Variants in CACNB2 observed in about 807,000 individuals in gnomAD.
CACNB2 encodes calcium voltage-gated channel auxiliary subunit beta 2.
CACNB2 carries 42 observed loss-of-function variants against 73.3 expected under a neutral mutation model. The ratio of observed to expected loss-of-function variants is 0.57; its 90% CI spans 0.45 to 0.74. CACNB2 has a LOEUF of 0.74. CACNB2 is among the 30% of genes least tolerant of loss of function. The probability of loss-of-function intolerance (pLI) is 0.00; values close to 1 mark genes in which losing one functional copy is unlikely to be tolerated. For missense variants in CACNB2, 940 were observed against 853.0 expected (o/e 1.10, Z -1.27); for synonymous variants, 348 against 310.3 (o/e 1.12, Z -1.28).
At chr10:18,356,639 A>G (rs1279256090) in intron 2 of CACNB2, among the ~76,000 whole-genome samples, 1 of 144,230 alleles carries the variant, frequency 6.9e-6, no homozygotes. Context: ...TTTCTCCTTC[A>G]TTTTTTTTTT....
chr10:18,176,935 C>T (rs1444107707), intron 2 of CACNB2, among the ~76,000 whole-genome samples: 2 of 151,768 alleles, frequency 1.3e-5, no homozygotes, highest in Admixed American at 6.6e-5. Flanking sequence ...GTTAGGGGTA[C>T]AGAATTCCAG....
intron 2 of CACNB2, among the ~76,000 whole-genome samples, chr10:18,185,022 A>G (rs1046286451): frequency 3.9e-4 from 60 of 151,934 alleles, no homozygotes; most frequent in African/African-American, 1.3e-3. Context: ...CATTTTTTGT[A>G]GCAACAGAAT....
At chr10:18,288,140 C>T (rs1460915943) in intron 2 of CACNB2, among the ~76,000 whole-genome samples, 1 of 152,186 alleles carries the variant, frequency 6.6e-6, no homozygotes, top group African/African-American at 2.4e-5. Context: ...ACCTGATTAC[C>T]TCTGTAAAGA....
chr10:18,494,843 T>C (rs964268705), intron 3 of CACNB2, among the ~76,000 whole-genome samples: 3 of 151,922 alleles, frequency 2.0e-5, no homozygotes, highest in Admixed American at 1.3e-4. Flanking sequence ...GGAGGATTAC[T>C]TGAGGCCAGG....
At chr10:18,328,864 G>T (rs1280388999) in intron 2 of CACNB2, among the ~76,000 whole-genome samples, 1 of 152,122 alleles carries the variant, frequency 6.6e-6, no homozygotes, top group Non-Finnish European at 1.5e-5. Flanking sequence ...TAGAGAATAA[G>T]GAAACACAAA....
At chr10:18,180,197 C>T (rs1204241441) in intron 2 of CACNB2, among the ~76,000 whole-genome samples, 1 of 152,072 alleles carries the variant, frequency 6.6e-6, no homozygotes, top group African/African-American at 2.4e-5. Context: ...TTATATTTTG[C>T]CAACATAGAA....
At chr10:18,318,155 C>T (rs1183810156) in intron 2 of CACNB2, among the ~76,000 whole-genome samples, 1 of 152,102 alleles carries the variant, frequency 6.6e-6, no homozygotes, top group Non-Finnish European at 1.5e-5. Context: ...AAAAAAGAGC[C>T]TGTATAGTCA....
intron 3 of CACNB2, among the ~76,000 whole-genome samples, chr10:18,433,963 G>T (rs1253613271): frequency 6.6e-6 from 1 of 151,424 alleles, no homozygotes; most frequent in Non-Finnish European, 1.5e-5. Context: ...AACATACTGT[G>T]CTACAGTATT....
chr10:18,193,580 C>T (rs1013969449), intron 2 of CACNB2, among the ~76,000 whole-genome samples: 1 of 152,148 alleles, frequency 6.6e-6, no homozygotes, highest in African/African-American at 2.4e-5. Context: ...GAACCCAAGG[C>T]TTTACTCTCT....
At chr10:18,211,856 C>A (rs1390451426) in intron 2 of CACNB2, among the ~76,000 whole-genome samples, 2 of 68,936 alleles carry the variant, frequency 2.9e-5, no homozygotes, top group African/African-American at 6.4e-5. Flanking sequence ...TATTTATTTA[C>A]GTGGTTTCTT....
At chr10:18,173,270 A>G (rs184331237) in intron 2 of CACNB2, among the ~76,000 whole-genome samples, 3 of 152,342 alleles carry the variant, frequency 2.0e-5, no homozygotes, top group African/African-American at 7.2e-5. Flanking sequence ...GATGATGGAG[A>G]TGAAATAAGG....
intron 2 of CACNB2, among the ~76,000 whole-genome samples, chr10:18,348,250 G>A (rs1057430115): frequency 6.6e-5 from 10 of 152,068 alleles, no homozygotes; most frequent in East Asian, 5.8e-4. Context: ...AGAACTCTCC[G>A]GGTAAAAGAT....
chr10:18,424,961 A>G (rs1589312062), intron 3 of CACNB2, among the ~76,000 whole-genome samples: 1 of 152,190 alleles, frequency 6.6e-6, no homozygotes, highest in African/African-American at 2.4e-5. Context: ...TCTCTTGGGT[A>G]TGTTAATTAG....
At chr10:18,280,364 T>C (rs567054125) in intron 2 of CACNB2, among the ~76,000 whole-genome samples, 3 of 152,302 alleles carry the variant, frequency 2.0e-5, no homozygotes, top group Non-Finnish European at 4.4e-5. Flanking sequence ...ATTTTGTAGA[T>C]GATGAAATTG....
At chr10:18,346,546 C>T (rs1254431711) in intron 2 of CACNB2, among the ~76,000 whole-genome samples, 1 of 152,038 alleles carries the variant, frequency 6.6e-6, no homozygotes, top group African/African-American at 2.4e-5. Context: ...ACTTTTCCTT[C>T]AACCTTTGTT....
chr10:18,386,398 G>C (rs369123049), intron 2 of CACNB2, among the ~76,000 whole-genome samples: 1 of 97,834 alleles, frequency 1.0e-5, no homozygotes, highest in East Asian at 6.4e-4. Context: ...TTTTATTTAT[G>C]ATTTTTTTTT....
chr10:18,314,960 T>G (rs987440913), intron 2 of CACNB2, among the ~76,000 whole-genome samples: 33 of 152,226 alleles, frequency 2.2e-4, no homozygotes, highest in African/African-American at 8.0e-4. Flanking sequence ...TAAAAAATAC[T>G]TGCCCTTAGA....
At chr10:18,394,221 T>G (rs1422326055) in intron 2 of CACNB2, among the ~76,000 whole-genome samples, 1 of 152,134 alleles carries the variant, frequency 6.6e-6, no homozygotes, top group African/African-American at 2.4e-5. Flanking sequence ...CCTCCCAAAG[T>G]GCTGGGATTT....
At chr10:18,492,730 C>T (rs541253947) in intron 3 of CACNB2, among the ~76,000 whole-genome samples, 1 of 151,974 alleles carries the variant, frequency 6.6e-6, no homozygotes, top group South Asian at 2.1e-4. Flanking sequence ...ATCTATATCA[C>T]AGAAAAGCTT....
Sources: allele counts gnomAD v4.1 joint callset (sites outside exome capture counted in the v4.1 genomes callset), GRCh38; gene constraint gnomAD v4.1.1; transcripts MANE v1.5; gene names NCBI Gene and HGNC (gene_info 2026-07-23, HGNC 2026-07-21).